The following COL9A2 variants were observed in gnomAD, a reference collection of about 807,000 sequenced individuals.
COL9A2 encodes collagen alpha-2(IX) chain.
Under a neutral mutation model 111.6 loss-of-function variants are expected in COL9A2, and 66 were observed. That is an observed-to-expected ratio of 0.59 (90% CI 0.48 to 0.73). The LOEUF (loss-of-function observed/expected upper bound fraction) is 0.73. COL9A2 is among the 30% of genes least tolerant of loss of function. The probability of loss-of-function intolerance (pLI) is 0.00; values close to 1 mark genes in which losing one functional copy is unlikely to be tolerated. For synonymous variants in COL9A2, 353 were observed against 364.1 expected, an observed-to-expected ratio of 0.97 and a Z score of 0.35; for missense variants, 881 against 954.1, an observed-to-expected ratio of 0.92 and a Z score of 1.01.
Position 40,305,761 on chromosome 1 carries a change from G to C in COL9A2, c.1061C>G (p.Pro354Arg). ...TKGGPGDQGE[P>R]GPQGLPGFSG... ...GAATCCAGGAAGGCCCTGCGGGCCCGGCTCACCCTGCAGGAAAACAGTTCT... is the reference window on the plus strand; with the variant it reads ...GAATCCAGGAAGGCCCTGCGGGCCCCGCTCACCCTGCAGGAAAACAGTTCT... The change falls in exon 21 of 32, where the codon CCG becomes CGG. Residue 354 changes from proline to arginine, a missense_variant. By Grantham distance (103) the Pro-to-Arg change is moderately radical. Coordinates refer to ENST00000372748, the MANE Select transcript of COL9A2 (RefSeq NM_001852.4). 1 of 1,614,090 alleles carries C rather than the reference G, an allele frequency of 6.2e-7. No homozygotes were observed. Among genetic ancestry groups the C allele is most frequent in the Non-Finnish European group, 8.5e-7 (1 of 1,179,976 alleles).
chr1:40,314,470 C>G lies in COL9A2; in HGVS notation c.151-83G>C, dbSNP rs1292182857. 2.6e-6 allele frequency: 4 copies of G among 1,531,786 alleles called. No individual in the cohort carries two copies. The highest frequency in any genetic ancestry group is 3.6e-6 in the Non-Finnish European group (4 of 1,105,580). 94.9% of individuals were successfully genotyped at this position (1,531,786 alleles called of 1,614,324 possible). Reference sequence around the variant, plus strand: ...ACACACAGGCCCTGGCAGGCCGCTCCCAAAGGCTCTCCTCACTCTCCTCTC... The same window carrying G: ...ACACACAGGCCCTGGCAGGCCGCTCGCAAAGGCTCTCCTCACTCTCCTCTC... On this transcript the variant is annotated intron_variant, in intron 2 of 31. Coordinates refer to ENST00000372748, the MANE Select transcript of COL9A2 (RefSeq NM_001852.4). This position sits in a 1 kb window ranked among gnomAD's most constrained non-coding sequence, Gnocchi z 4.1.
In COL9A2 at chr1:40,303,313, G is replaced by A; in HGVS notation, c.1549-128C>T. The stretch of plus-strand genomic sequence containing the variant: ...TTGAGTCATTAATTCCCAAGCTGAG[G>A]AACAGATTGTACCTGGGCAGGGCCA... On this transcript the variant is annotated intron_variant, in intron 28 of 31. Transcript: ENST00000372748. This position sits in a 1 kb window ranked among gnomAD's most constrained non-coding sequence, Gnocchi z 4.6. 4 of 1,175,940 alleles carry A rather than the reference G, an allele frequency of 3.4e-6. No individual in the cohort carries two copies. The highest frequency in any genetic ancestry group is 3.7e-6 in the Non-Finnish European group (3 of 813,604). The allele number at this position is 1,175,940 out of a possible 1,614,324, so 72.8% of individuals were successfully genotyped here.
In COL9A2 at chr1:40,310,920, G is replaced by A. The variant is rs1433915555; in HGVS notation, c.631-153C>T. Among the ~76,000 whole-genome samples, 1 of 152,188 alleles carries A rather than the reference G, an allele frequency of 6.6e-6. No homozygotes were observed. Among genetic ancestry groups the A allele is most frequent in the Non-Finnish European group, 1.5e-5 (1 of 68,030 alleles). ...TGTGTTACAGATAGAGAAAAGCCAAGCAAGGAGACATGACCAGAGACATGC... is the reference window on the plus strand; with the variant it reads ...TGTGTTACAGATAGAGAAAAGCCAAACAAGGAGACATGACCAGAGACATGC... On this transcript the variant is annotated intron_variant, in intron 12 of 31. Coordinates refer to ENST00000372748, the MANE Select transcript of COL9A2 (RefSeq NM_001852.4). This position sits in a 1 kb window ranked among gnomAD's most constrained non-coding sequence, Gnocchi z 4.9.
In COL9A2 at chr1:40,317,164, G is replaced by A. The variant is rs975196851; in HGVS notation, c.34C>T (p.Leu12Phe). 6.3e-7 allele frequency: 1 copy of A among 1,589,438 alleles called. No individual in the cohort carries two copies. The highest frequency in any genetic ancestry group is 8.6e-7 in the Non-Finnish European group (1 of 1,168,190). Reference protein sequence around the residue: ...AAATASPRSLLVLLQVVVLAL... With the variant: ...AAATASPRSLFVLLQVVVLAL... ...AGCACTACCACCTGGAGGAGAACAA[G>A]GAGGCTGCGGGGGGAGGCCGTAGCG... The change falls in exon 1 of 32, where the codon CTT (leucine) becomes TTT (phenylalanine). Residue 12 changes from leucine (L) to phenylalanine (F), a missense_variant. Leu to Phe is a conservative substitution (Grantham distance 22). Transcript: ENST00000372748. The surrounding 1 kb of genome is among the most constrained non-coding windows in gnomAD (Gnocchi z 4.3).
rs372815251 is a variant in COL9A2 at position 40,302,517 on chromosome 1, C to T, written c.1792+104G>A. On this transcript the variant is annotated intron_variant, in intron 30 of 31. Coordinates refer to ENST00000372748, the MANE Select transcript of COL9A2 (RefSeq NM_001852.4). This position sits in a 1 kb window ranked among gnomAD's most constrained non-coding sequence, Gnocchi z 4.5. The stretch of plus-strand genomic sequence containing the variant: ...CTCCTGGACCATGTGGCTGAGGAAC[C>T]GGGGAAGGGTCTGTATGTCATCCTG... 8.1e-5 allele frequency: 107 copies of T among 1,313,518 alleles called. No individual in the cohort carries two copies. The East Asian group carries it at 1.1e-3, about 13-fold the overall frequency. The allele number at this position is 1,313,518 out of a possible 1,614,324, so 81.4% of individuals were successfully genotyped here. A position where few individuals can be genotyped will look rare whatever the true frequency, so the allele number is the denominator to read the frequency against.
At position 40,302,776 on chromosome 1, in the gene COL9A2, C is replaced by T. The variant is rs754945201; in HGVS notation, c.1637G>A (p.Arg546Gln). 3.3e-5 allele frequency: 44 copies of T among 1,326,648 alleles called. No individual in the cohort carries two copies. Among genetic ancestry groups the T allele is most frequent in the South Asian group, 8.6e-5 (7 of 81,808 alleles). 82.2% of individuals were successfully genotyped at this position (1,326,648 alleles called of 1,614,324 possible). Reference protein sequence around the residue: ...QLAEVAVSAKREALGAVGMMG... With the variant: ...QLAEVAVSAKQEALGAVGMMG... Reference sequence around the variant, plus strand: ...CATGCCCACCGCACCCAGGGCTTCCCGCTTGGCACTCACGGCGACCTCTGC... The same window carrying T: ...CATGCCCACCGCACCCAGGGCTTCCTGCTTGGCACTCACGGCGACCTCTGC... The change falls in exon 30 of 32, where the codon CGG becomes CAG. Residue 546 changes from arginine to glutamine, a missense_variant. Coordinates refer to ENST00000372748, the MANE Select transcript of COL9A2 (RefSeq NM_001852.4). The surrounding 1 kb of genome is among the most constrained non-coding windows in gnomAD (Gnocchi z 4.5).
chr1:40,313,449 A>C (rs1339280360), intron 4 of COL9A2, among the ~76,000 whole-genome samples: 1 of 152,222 alleles, frequency 6.6e-6, no homozygotes, highest in Non-Finnish European at 1.5e-5. Context: ...GATTACAGGC[A>C]TAAGCCACCA....
intron 22 of COL9A2, 30 bp downstream of exon 22, chr1:40,304,764 C>T (rs569866298): frequency 1.8e-5 from 28 of 1,537,920 alleles, no homozygotes; most frequent in East Asian, 7.4e-5. Flanking sequence ...CAGAGGCCCC[C>T]GGGGAGGGGC....
At position 40,303,116 on chromosome 1, in the gene COL9A2, G is replaced by T. The variant is rs752181838; in HGVS notation, c.1603+15C>A. On this transcript the variant is annotated intron_variant, in intron 29 of 31. Coordinates refer to ENST00000372748, the MANE Select transcript of COL9A2 (RefSeq NM_001852.4). The surrounding 1 kb of genome is among the most constrained non-coding windows in gnomAD (Gnocchi z 4.6). Reference sequence around the variant, plus strand: ...GCCCTCGAACTGACTGTGAGGAGGGGTTGCTGCCCCTCACCTTGCAGCATC... The same window carrying T: ...GCCCTCGAACTGACTGTGAGGAGGGTTTGCTGCCCCTCACCTTGCAGCATC... The T allele has an allele frequency of 3.7e-6, 6 of 1,611,252 alleles. No individual in the cohort carries two copies. The East Asian group carries it at 8.9e-5, about 24-fold the overall frequency.
At position 40,307,002 on chromosome 1, in the gene COL9A2, G is replaced by A. The variant is rs1156663654; in HGVS notation, c.1008+444C>T. 2.6e-5 allele frequency among the ~76,000 whole-genome samples: 4 copies of A among 151,910 alleles called. No homozygotes were observed. Among genetic ancestry groups the A allele is most frequent in the African/African-American group, 7.3e-5 (3 of 41,354 alleles). Reference sequence around the variant, plus strand: ...TGAGATTACAGGCATGAGCCGCCACGCCCAGCTAATTTTTGTATTTTTAGT... The same window carrying A: ...TGAGATTACAGGCATGAGCCGCCACACCCAGCTAATTTTTGTATTTTTAGT... On this transcript the variant is annotated intron_variant, in intron 19 of 31. Transcript: ENST00000372748. The surrounding 1 kb of genome is among the most constrained non-coding windows in gnomAD (Gnocchi z 4.8).
rs1251610287 is a variant in COL9A2 at position 40,302,991 on chromosome 1, A to C, written c.1603+140T>G. 3.6e-6 allele frequency: 4 copies of C among 1,109,838 alleles called. No individual in the cohort carries two copies. The highest frequency in any genetic ancestry group is 3.1e-5 in the African/African-American group (2 of 64,502). 68.7% of individuals were successfully genotyped at this position (1,109,838 alleles called of 1,614,324 possible). On this transcript the variant is annotated intron_variant, in intron 29 of 31. Coordinates refer to ENST00000372748, the MANE Select transcript of COL9A2 (RefSeq NM_001852.4). This position sits in a 1 kb window ranked among gnomAD's most constrained non-coding sequence, Gnocchi z 4.5. The stretch of plus-strand genomic sequence containing the variant: ...CCCAGAGTGACTTATTCAAGGTCCC[A>C]AAACCCTTCAGAGACTGGACTGGAA...
chr1:40,315,507 G>A (rs543991803), intron 2 of COL9A2, 83 bp downstream of exon 2: 465 of 1,376,312 alleles, frequency 3.4e-4, no homozygotes, highest in Non-Finnish European at 4.0e-4. Context: ...GCACCCCGAA[G>A]TCCCCACCCC....
intron 31 of COL9A2, among the ~76,000 whole-genome samples, 200 bp from the exon 32 acceptor site, chr1:40,301,581 C>T (rs1408234288): frequency 1.3e-5 from 2 of 152,242 alleles, no homozygotes; most frequent in East Asian, 3.9e-4. Flanking sequence ...AACATCCCTT[C>T]CATCACCTCT....
Position 40,310,047 on chromosome 1 carries a change from C to T in COL9A2, c.793-56G>A. On this transcript the variant is annotated intron_variant, in intron 15 of 31. Transcript: ENST00000372748. The surrounding 1 kb of genome is among the most constrained non-coding windows in gnomAD (Gnocchi z 4.9). The stretch of plus-strand genomic sequence containing the variant: ...CACACAGGCTCAGGGGGAGCCATGC[C>T]CACTCTGTGGCTGTAGCTGTAGGAG... The T allele has an allele frequency of 1.2e-6, 2 of 1,613,458 alleles. No individual in the cohort carries two copies. The highest frequency in any genetic ancestry group is 2.2e-5 in the East Asian group (1 of 44,882).
chr1:40,311,019 CGAA>C lies in COL9A2; in HGVS notation c.630+71_630+73del. The C allele has an allele frequency of 4.4e-6, 7 of 1,585,604 alleles. No homozygotes were observed. The highest frequency in any genetic ancestry group is 6.1e-6 in the Non-Finnish European group (7 of 1,154,598). On this transcript the variant is annotated intron_variant, in intron 12 of 31. Transcript: ENST00000372748. The surrounding 1 kb of genome is among the most constrained non-coding windows in gnomAD (Gnocchi z 5.1). ...GAACCCACAGGGGAAGGGGAAGGGA[CGAA>C]GAAGGGGACAGAGCCCTGTAGGACC...
rs930560318 is a variant in COL9A2 at position 40,301,112 on chromosome 1, G to A, written c.*70C>T. On this transcript the variant is annotated 3_prime_UTR_variant, in exon 32 of 32. Coordinates refer to ENST00000372748, the MANE Select transcript of COL9A2 (RefSeq NM_001852.4). The stretch of plus-strand genomic sequence containing the variant: ...ATGGTTTCCTGGACTGGGGATGGGT[G>A]CATGTCCACCCAGAGGGGACCTGGT... The A allele has an allele frequency of 1.2e-5, 18 of 1,520,144 alleles. No individual in the cohort carries two copies. The highest frequency in any genetic ancestry group is 1.6e-5 in the Non-Finnish European group (18 of 1,099,544). The allele number at this position is 1,520,144 out of a possible 1,614,324, so 94.2% of individuals were successfully genotyped here.
chr1:40,313,171 C>T (rs79868752), intron 4 of COL9A2, among the ~76,000 whole-genome samples: 3 of 148,860 alleles, frequency 2.0e-5, no homozygotes, highest in Admixed American at 6.7e-5. Flanking sequence ...CTTTTTCTTT[C>T]TTTTTTTTTT....
In COL9A2 at chr1:40,308,311, G is replaced by C. The variant is rs149421884; in HGVS notation, c.847-66C>G. 699 of 1,525,506 alleles carry C rather than the reference G, an allele frequency of 4.6e-4. 5 individuals are homozygous for C. In the African/African-American group the frequency reaches 8.2e-3, roughly 18 times the overall value. The allele number at this position is 1,525,506 out of a possible 1,614,324, so 94.5% of individuals were successfully genotyped here. A position where few individuals can be genotyped will look rare whatever the true frequency, so the allele number is the denominator to read the frequency against. On this transcript the variant is annotated intron_variant, in intron 16 of 31. Transcript: ENST00000372748. The stretch of plus-strand genomic sequence containing the variant: ...GGCCCCTGTCTGGCTGTGCAGAGAG[G>C]GGAACCACTGAGAACAGTGGCCTCT...
At position 40,312,301 on chromosome 1, in the gene COL9A2, G is replaced by C. The variant is rs913114966; in HGVS notation, c.363+155C>G. ...TGCAGAGCCAGTGGACAGGCCCAGAGTGGGCTGGCCCTGGGTCTCTGGCAG... is the reference window on the plus strand; with the variant it reads ...TGCAGAGCCAGTGGACAGGCCCAGACTGGGCTGGCCCTGGGTCTCTGGCAG... On this transcript the variant is annotated intron_variant, in intron 7 of 31. Transcript: ENST00000372748. This position sits in a 1 kb window ranked among gnomAD's most constrained non-coding sequence, Gnocchi z 6.0. The C allele has an allele frequency of 9.6e-6, 11 of 1,143,938 alleles. No homozygotes were observed. The highest frequency in any genetic ancestry group is 8.0e-5 in the South Asian group (6 of 74,862). 70.9% of individuals were successfully genotyped at this position (1,143,938 alleles called of 1,614,324 possible).
Sources: allele counts gnomAD v4.1 joint callset (sites outside exome capture counted in the v4.1 genomes callset), GRCh38; gene constraint gnomAD v4.1.1; non-coding constraint Gnocchi (gnomAD v3.1); transcripts MANE v1.5; gene names NCBI Gene and HGNC (gene_info 2026-07-23, HGNC 2026-07-21).